MOV10L1: variants seen among roughly 807,000 people sequenced by gnomAD.
The protein encoded by MOV10L1 is RNA helicase Mov10l1.
A neutral mutation model predicts 143.8 loss-of-function variants in MOV10L1; 110 were observed. That is an observed-to-expected ratio of 0.76 (90% CI 0.66 to 0.90). The LOEUF (loss-of-function observed/expected upper bound fraction) is 0.90, where lower values mean the gene tolerates loss of function less well. Ranked by LOEUF, MOV10L1 falls within the 40% of genes least tolerant of loss-of-function variation. MOV10L1 has a pLI of 0.00. For missense variants in MOV10L1, 1,406 were observed against 1,526.8 expected (o/e 0.92, Z 1.32); for synonymous variants, 593 against 581.1 (o/e 1.02, Z -0.29).
chr22:50,120,961 C>T (rs2062324398), intron 10 of MOV10L1, among the ~76,000 whole-genome samples: 1 of 152,214 alleles, frequency 6.6e-6, no homozygotes, highest in Admixed American at 6.5e-5. Flanking sequence ...AGTGTTCTAG[C>T]CTTTTACCAT....
At chr22:50,104,946 C>A (rs768742476) in intron 3 of MOV10L1, among the ~76,000 whole-genome samples, 5 of 149,452 alleles carry the variant, frequency 3.3e-5, no homozygotes, top group Non-Finnish European at 7.4e-5. Flanking sequence ...GGCTGGAATG[C>A]AGTGGCTCAG....
chr22:50,159,610 A>AG lies in MOV10L1; in HGVS notation c.3217-68_3217-67insG. 2 of 1,164,610 alleles carry AG rather than the reference A, an allele frequency of 1.7e-6. No homozygotes were observed. Among genetic ancestry groups the AG allele is most frequent in the Non-Finnish European group, 2.5e-6 (2 of 810,698 alleles). The allele number at this position is 1,164,610 out of a possible 1,614,324, so 72.1% of individuals were successfully genotyped here. On this transcript the variant is annotated intron_variant, in intron 23 of 26. Coordinates refer to ENST00000262794, the MANE Select transcript of MOV10L1 (RefSeq NM_018995.3). The surrounding 1 kb of genome is among the most constrained non-coding windows in gnomAD (Gnocchi z 4.1). ...GAGTAATACTCCATCTCAAAAAAAAAAAAGGAAAAGAAAAGAAATGGATTT... is the reference window on the plus strand; with the variant it reads ...GAGTAATACTCCATCTCAAAAAAAAAGAAAGGAAAAGAAAAGAAATGGATTT...
At chr22:50,129,654 A>T (rs35281297) in intron 13 of MOV10L1, among the ~76,000 whole-genome samples, 1,753 of 152,318 alleles carry the variant, frequency 0.012, 27 homozygotes, top group Admixed American at 0.021. Context: ...GACTTTCAGT[A>T]TCCATGTGTA....
At position 50,107,265 on chromosome 22, in the gene MOV10L1, G is replaced by A. The variant is rs1398957641; in HGVS notation, c.443-871G>A. Among the ~76,000 whole-genome samples, 14 of 144,602 alleles carry A rather than the reference G, an allele frequency of 9.7e-5. No homozygotes were observed. In the South Asian group the frequency reaches 1.5e-3, roughly 16 times the overall value. The allele number at this position is 144,602 out of a possible 152,430, so 94.9% of individuals were successfully genotyped here. A position where few individuals can be genotyped will look rare whatever the true frequency, so the allele number is the denominator to read the frequency against. On this transcript the variant is annotated intron_variant, in intron 3 of 26. Coordinates refer to ENST00000262794, the MANE Select transcript of MOV10L1 (RefSeq NM_018995.3). The stretch of plus-strand genomic sequence containing the variant: ...AATTTTTTGTATTTTTAGTAGAGAC[G>A]GGGTTTCACCGTGGTCTCGATCTCC...
At chr22:50,151,128 G>A (rs1033622816) in intron 21 of MOV10L1, among the ~76,000 whole-genome samples, 2 of 152,248 alleles carry the variant, frequency 1.3e-5, no homozygotes, top group Non-Finnish European at 2.9e-5. Flanking sequence ...GTGTTACTCT[G>A]TTAACGTTAA....
chr22:50,132,414 A>G (rs1489557360), intron 13 of MOV10L1, among the ~76,000 whole-genome samples: 7 of 152,164 alleles, frequency 4.6e-5, no homozygotes, highest in Admixed American at 4.6e-4. Context: ...TTGAAATCTT[A>G]ATAATAATAA....
At chr22:50,141,036 A>G (rs2062969129) in intron 15 of MOV10L1, among the ~76,000 whole-genome samples, 1 of 151,790 alleles carries the variant, frequency 6.6e-6, no homozygotes, top group Non-Finnish European at 1.5e-5. Context: ...CAGAAAACCA[A>G]TTCTTGTGTA....
chr22:50,131,987 TG>T (rs897581081), intron 13 of MOV10L1, among the ~76,000 whole-genome samples: 3 of 152,230 alleles, frequency 2.0e-5, no homozygotes, highest in African/African-American at 7.2e-5. Flanking sequence ...GACTGCTTCC[TG>T]GTTCGTAGGC....
chr22:50,124,870 C>T (rs988288135), intron 10 of MOV10L1, among the ~76,000 whole-genome samples: 2 of 152,224 alleles, frequency 1.3e-5, no homozygotes, highest in Non-Finnish European at 2.9e-5. Context: ...GTGGATCAGT[C>T]ATGGGGCCCC....
Position 50,120,522 on chromosome 22 carries a change from C to T in MOV10L1, c.1475C>T (p.Pro492Leu). 6.2e-7 allele frequency: 1 copy of T among 1,611,354 alleles called. No homozygotes were observed. The highest frequency in any genetic ancestry group is 8.5e-7 in the Non-Finnish European group (1 of 1,178,756). ...AQKRNSRRQL[P>L]SFLPQYPIPD... ...TTAAGGAACTCAAGACGACAACTTC[C>T]AAGTTTTCTTCCCCAATATCCAATC... Residue 492 changes from proline to leucine, a missense_variant, in exon 10 of 27, where the codon CCA becomes CTA. Coordinates refer to ENST00000262794, the MANE Select transcript of MOV10L1 (RefSeq NM_018995.3).
At chr22:50,112,434 G>A (rs765925282) in intron 5 of MOV10L1, among the ~76,000 whole-genome samples, 1 of 152,212 alleles carries the variant, frequency 6.6e-6, no homozygotes, top group Non-Finnish European at 1.5e-5. Context: ...CTTGCATCAG[G>A]CCCAGGAACC....
chr22:50,125,317 T>C, intron 10 of MOV10L1, 75 bp from the exon 11 acceptor site: 1 of 1,460,938 alleles, frequency 6.8e-7, no homozygotes, highest in African/African-American at 1.4e-5. Flanking sequence ...GTTGGAACTT[T>C]CCTGCTCCGG....
In MOV10L1 at chr22:50,126,189, A is replaced by ATT; in HGVS notation, c.1748-8_1748-7dup. 3 of 1,561,156 alleles carry ATT rather than the reference A, an allele frequency of 1.9e-6. No individual in the cohort carries two copies. Among genetic ancestry groups the ATT allele is most frequent in the Non-Finnish European group, 2.6e-6 (3 of 1,132,822 alleles). On this transcript the variant is annotated splice_polypyrimidine_tract_variant and intron_variant, in intron 11 of 26. Transcript: ENST00000262794. ...GTGTTAGCTTTAAACATGGTAATATATTTTTTAACTAGGTGATAAACTGAT... is the reference window on the plus strand; with the variant it reads ...GTGTTAGCTTTAAACATGGTAATATATTTTTTTTAACTAGGTGATAAACTGAT...
intron 19 of MOV10L1, chr22:50,147,053 T>C: frequency 7.7e-6 from 12 of 1,552,724 alleles, no homozygotes; most frequent in Non-Finnish European, 1.0e-5. Flanking sequence ...GAGTCAAAGG[T>C]CAAGAGCCGA....
At chr22:50,134,321 GAA>G (rs67541620) in intron 14 of MOV10L1, among the ~76,000 whole-genome samples, 34,088 of 151,872 alleles carry the variant, frequency 0.22, 4,153 homozygotes, top group Admixed American at 0.35. Flanking sequence ...TGTAATTTAT[GAA>G]TTTTTACAGA....
chr22:50,151,847 A>G (rs2063305745), intron 21 of MOV10L1, among the ~76,000 whole-genome samples: 1 of 152,222 alleles, frequency 6.6e-6, no homozygotes, highest in African/African-American at 2.4e-5. Flanking sequence ...AGGTACAGAA[A>G]GACCCTGCCG....
intron 5 of MOV10L1, among the ~76,000 whole-genome samples, chr22:50,112,391 C>G (rs192735220): frequency 3.3e-5 from 5 of 152,318 alleles, no homozygotes; most frequent in Non-Finnish European, 4.4e-5. Flanking sequence ...GTTCTCTGAC[C>G]TCATCCCCAG....
intron 15 of MOV10L1, among the ~76,000 whole-genome samples, chr22:50,137,053 A>T (rs1426704531): frequency 6.6e-6 from 1 of 152,234 alleles, no homozygotes; most frequent in Non-Finnish European, 1.5e-5. Flanking sequence ...ATTGGATTAC[A>T]TCCCAGAACA....
At chr22:50,150,954 A>C in intron 21 of MOV10L1, 55 bp downstream of exon 21, 1 of 1,603,044 alleles carries the variant, frequency 6.2e-7, no homozygotes, top group Non-Finnish European at 8.5e-7. Context: ...CACAGGCTCC[A>C]GGGCAGTCGA....
Sources: gnomAD v4.1 joint callset for allele counts (sites outside exome capture counted in the v4.1 genomes callset) on GRCh38, gnomAD v4.1.1 for gene constraint, Gnocchi (gnomAD v3.1) non-coding constraint, MANE v1.5 for transcripts, NCBI Gene and HGNC (gene_info 2026-07-23, HGNC 2026-07-21) for gene names.